The following VBP1 variants were observed in gnomAD, a reference collection of about 807,000 sequenced individuals.
VBP1 encodes the protein VHL binding protein 1, also known as prefoldin subunit 3.
In VBP1, 4 loss-of-function variants were observed where a neutral mutation model predicts 15.5. The observed-to-expected ratio is 0.26, with a 90% confidence interval of 0.13 to 0.59. VBP1 has a LOEUF of 0.59. VBP1 is among the 20% of genes least tolerant of loss of function. The pLI, the probability that VBP1 is intolerant of heterozygous loss-of-function variation, is 0.90. For missense variants in VBP1, 108 were observed against 139.6 expected, an observed-to-expected ratio of 0.77 and a Z score of 1.14; for synonymous variants, 61 against 52.1, an observed-to-expected ratio of 1.17 and a Z score of -0.74.
intron 4 of VBP1, among the ~76,000 whole-genome samples, chrX:155,228,699 A>G (rs1199917539): frequency 1.8e-5 from 2 of 112,224 alleles, no homozygotes; most frequent in Non-Finnish European, 3.8e-5. Flanking sequence ...TGAAGATCGC[A>G]GTAAAAACAT....
Position 155,233,781 on chromosome X carries a change from A to G in VBP1, c.385-2448A>G, listed in dbSNP as rs782680503. Among the ~76,000 whole-genome samples the G allele has an allele frequency of 3.8e-4, 43 of 112,015 alleles. 1 individual carries two copies. The highest frequency in any genetic ancestry group is 1.3e-3 in the African/African-American group (40 of 30,765). ...ACAAGGAAGCTTTGGGGTGTTGGTG[A>G]TAACCTGTCCTTGATCTGGATGCTG... is the stretch of plus-strand genomic sequence containing the variant. On this transcript the variant is annotated intron_variant, in intron 4 of 5. Transcript: ENST00000286428.
At chrX:155,203,292 T>C (rs2074613136) in intron 1 of VBP1, among the ~76,000 whole-genome samples, 1 of 111,361 alleles carries the variant, frequency 9.0e-6, no homozygotes, top group African/African-American at 3.3e-5. Context: ...GTCATGCTGC[T>C]ATAAAGACAC....
At chrX:155,220,644 A>T (rs2074684802) in intron 2 of VBP1, among the ~76,000 whole-genome samples, 1 of 112,118 alleles carries the variant, frequency 8.9e-6, no homozygotes, top group African/African-American at 3.2e-5. Flanking sequence ...GAGTCTGGGC[A>T]TAAGACTTAA....
upstream of VBP1, among the ~76,000 whole-genome samples, chrX:155,211,645 C>T (rs1457162626): frequency 8.9e-6 from 1 of 112,441 alleles, no homozygotes; most frequent in Non-Finnish European, 1.9e-5. Context: ...GCCCAGTGAG[C>T]TGTGCAATAT....
upstream of VBP1, chrX:155,216,410 AG>A: frequency 8.7e-7 from 1 of 1,144,655 alleles, no homozygotes; most frequent in Non-Finnish European, 1.2e-6. Flanking sequence ...CGGGCCTGCA[AG>A]TGCGAACAAG....
At chrX:155,236,018 G>A (rs2074770926) in intron 4 of VBP1, among the ~76,000 whole-genome samples, 1 of 112,215 alleles carries the variant, frequency 8.9e-6, no homozygotes, top group African/African-American at 3.2e-5. Flanking sequence ...TTTTGGTTTT[G>A]TAGATCACAT....
intron 1 of VBP1, among the ~76,000 whole-genome samples, chrX:155,202,059 T>A (rs1437926019): frequency 2.7e-5 from 3 of 111,224 alleles, no homozygotes; most frequent in Non-Finnish European, 3.8e-5. Context: ...ACAAGGGACG[T>A]GAAGGACCTC....
intron 2 of VBP1, among the ~76,000 whole-genome samples, chrX:155,224,465 G>A (rs895696485): frequency 8.9e-5 from 10 of 112,743 alleles, no homozygotes; most frequent in Non-Finnish European, 1.7e-4. Flanking sequence ...AGTCAGGCGT[G>A]GTGGCGCGTG....
chrX:155,231,678 A>C (rs782166434), intron 4 of VBP1, among the ~76,000 whole-genome samples: 1 of 112,395 alleles, frequency 8.9e-6, no homozygotes, highest in South Asian at 3.6e-4. Flanking sequence ...GTATGTACCT[A>C]AATATTTGGA....
chrX:155,217,943 C>T (rs1557309224), intron 1 of VBP1, among the ~76,000 whole-genome samples: 1 of 111,181 alleles, frequency 9.0e-6, no homozygotes, highest in Admixed American at 9.6e-5. Context: ...ATGAATCGCC[C>T]TACTTCTCCT....
chrX:155,228,567 C>A, intron 4 of VBP1, 85 bp downstream of exon 4: 2 of 797,672 alleles, frequency 2.5e-6, no homozygotes, highest in Non-Finnish European at 3.6e-6. Flanking sequence ...CTAGTATTTG[C>A]TAGTATTTTA....
chrX:155,218,855 G>A (rs1018446826), intron 1 of VBP1, among the ~76,000 whole-genome samples: 4 of 112,055 alleles, frequency 3.6e-5, no homozygotes, highest in African/African-American at 6.5e-5. Context: ...AATGAGTGGC[G>A]AAGCTGGGAT....
intron 4 of VBP1, among the ~76,000 whole-genome samples, chrX:155,233,317 C>T (rs2074755854): frequency 8.9e-6 from 1 of 111,768 alleles, no homozygotes; most frequent in African/African-American, 3.3e-5. Flanking sequence ...TGCTGCCTGT[C>T]GTCCAGGAGT....
At chrX:155,230,549 T>G (rs1159918859) in intron 4 of VBP1, among the ~76,000 whole-genome samples, 1 of 111,842 alleles carries the variant, frequency 8.9e-6, no homozygotes. Flanking sequence ...GATTAATCCT[T>G]TGAAATCTCA....
intron 2 of VBP1, among the ~76,000 whole-genome samples, 180 bp downstream of exon 2, chrX:155,220,487 C>T (rs1557309482): frequency 8.9e-6 from 1 of 112,075 alleles, no homozygotes; most frequent in Non-Finnish European, 1.9e-5. Flanking sequence ...CGTATCCTTG[C>T]CAACACTTGG....
chrX:155,216,418 C>G (rs912620857), upstream of VBP1: 50 of 1,148,135 alleles, frequency 4.4e-5, no homozygotes, highest in Non-Finnish European at 5.6e-5. Flanking sequence ...CAAGTGCGAA[C>G]AAGCCAATCA....
chrX:155,218,227 A>G (rs782332659), intron 1 of VBP1, among the ~76,000 whole-genome samples: 1 of 112,099 alleles, frequency 8.9e-6, no homozygotes, highest in Admixed American at 9.4e-5. Flanking sequence ...TTTCCAAACT[A>G]TTAATAATTG....
intron 5 of VBP1, among the ~76,000 whole-genome samples, chrX:155,238,513 C>G (rs1266231247): frequency 1.8e-5 from 2 of 112,158 alleles, no homozygotes; most frequent in Non-Finnish European, 3.8e-5. Flanking sequence ...TCATAGTTGA[C>G]TAGCTGACAG....
chrX:155,207,347 ACCTAGGTTT>A (rs782141612), intron 1 of VBP1, among the ~76,000 whole-genome samples: 2 of 111,947 alleles, frequency 1.8e-5, no homozygotes, highest in East Asian at 5.6e-4. Context: ...AGGTATATTC[ACCTAGGTTT>A]CCTAAAAGGA....
Sources: gnomAD v4.1 joint callset for allele counts (sites outside exome capture counted in the v4.1 genomes callset) on GRCh38, gnomAD v4.1.1 for gene constraint, MANE v1.5 for transcripts, NCBI Gene and HGNC (gene_info 2026-07-23, HGNC 2026-07-21) for gene names.